GRAMD1C: variants seen among roughly 807,000 people sequenced by gnomAD.
The protein encoded by GRAMD1C is GRAM domain containing 1C.
GRAMD1C carries 89 observed loss-of-function variants against 97.8 expected under a neutral mutation model. That is an observed-to-expected ratio of 0.91 (90% CI 0.77 to 1.09). The LOEUF (loss-of-function observed/expected upper bound fraction) is 1.09, where lower values mean the gene tolerates loss of function less well. GRAMD1C is among the 50% of genes least tolerant of loss of function. GRAMD1C has a pLI of 0.00. For missense variants in GRAMD1C, 740 were observed against 766.4 expected (o/e 0.97, Z 0.41); for synonymous variants, 256 against 267.0 (o/e 0.96, Z 0.40).
chr3:113,937,325 T>C (rs1261255643), intron 14 of GRAMD1C, among the ~76,000 whole-genome samples: 1 of 152,226 alleles, frequency 6.6e-6, no homozygotes, highest in Non-Finnish European at 1.5e-5. Flanking sequence ...TTAAGATTAA[T>C]GGTTCTTTAA....
chr3:113,915,966 CAG>C, intron 10 of GRAMD1C, 128 bp downstream of exon 10: 1 of 724,450 alleles, frequency 1.4e-6, no homozygotes, highest in South Asian at 1.7e-5. Context: ...TTTATGTTGA[CAG>C]TATATAAACT....
chr3:113,873,214 C>T (rs1168856013), intron 3 of GRAMD1C, among the ~76,000 whole-genome samples: 1 of 151,746 alleles, frequency 6.6e-6, no homozygotes, highest in Non-Finnish European at 1.5e-5. Flanking sequence ...GAGTTGAGAT[C>T]GCACCATTGC....
chr3:113,923,975 G>A (rs1186479749), intron 10 of GRAMD1C, among the ~76,000 whole-genome samples: 5 of 151,818 alleles, frequency 3.3e-5, no homozygotes, highest in Non-Finnish European at 5.9e-5. Context: ...TTGTCTGTGC[G>A]GGGTTTTAAT....
At chr3:113,885,601 A>T in intron 6 of GRAMD1C, 2 of 1,529,198 alleles carry the variant, frequency 1.3e-6, no homozygotes, top group Non-Finnish European at 1.8e-6. Context: ...ATAGACAAAC[A>T]TTCTGTCCGG....
intron 2 of GRAMD1C, among the ~76,000 whole-genome samples, chr3:113,852,413 G>A (rs1439626654): frequency 6.6e-6 from 1 of 152,086 alleles, no homozygotes; most frequent in Non-Finnish European, 1.5e-5. Context: ...TTTAAGTATA[G>A]TTAGATACTG....
chr3:113,888,638 T>A lies in GRAMD1C; in HGVS notation c.540+5806T>A, dbSNP rs1935600865. On this transcript the variant is annotated intron_variant, in intron 6 of 17. Transcript: ENST00000358160. ...TACCTTAAATATGTACCATTCCTAT[T>A]TGTTAATTATACTTCAGTAAAGCTG... Among the ~76,000 whole-genome samples, 5 of 152,346 alleles carry A rather than the reference T, an allele frequency of 3.3e-5. No homozygotes were observed. In the South Asian group the frequency reaches 1.0e-3, roughly 32 times the overall value.
At chr3:113,854,437 T>C (rs1270035726) in intron 2 of GRAMD1C, among the ~76,000 whole-genome samples, 1 of 152,066 alleles carries the variant, frequency 6.6e-6, no homozygotes, top group African/African-American at 2.4e-5. Flanking sequence ...AAGAAAATCT[T>C]AAAAAGCGTG....
In GRAMD1C at chr3:113,937,637, C is replaced by T. The variant is rs575889014; in HGVS notation, c.1634-449C>T. Among the ~76,000 whole-genome samples the T allele has an allele frequency of 3.3e-5, 5 of 152,300 alleles. No homozygotes were observed. In the East Asian group the frequency reaches 9.6e-4, roughly 29 times the overall value. On this transcript the variant is annotated intron_variant, in intron 14 of 17. Coordinates refer to ENST00000358160, the MANE Select transcript of GRAMD1C (RefSeq NM_017577.5). ...TAAAAAAAGGGGTGCAGGGAATTTA[C>T]CCTAAATCACTTTGTCTTTACAAAT...
intron 3 of GRAMD1C, among the ~76,000 whole-genome samples, chr3:113,872,312 A>G (rs113642462): frequency 0.015 from 2,295 of 151,118 alleles, 45 homozygotes; most frequent in African/African-American, 0.053. Flanking sequence ...ACAGACTGTG[A>G]TTATTGTTTT....
intron 7 of GRAMD1C, among the ~76,000 whole-genome samples, chr3:113,903,232 C>CA (rs1320555720): frequency 6.6e-6 from 1 of 152,004 alleles, no homozygotes; most frequent in African/African-American, 2.4e-5. Flanking sequence ...CTCAGCCTCC[C>CA]AAAGTGTTGG....
At chr3:113,883,721 G>A (rs967984836) in intron 6 of GRAMD1C, among the ~76,000 whole-genome samples, 1 of 152,070 alleles carries the variant, frequency 6.6e-6, no homozygotes, top group African/African-American at 2.4e-5. Flanking sequence ...AAAATTATTA[G>A]AGACAAGGAA....
intron 11 of GRAMD1C, among the ~76,000 whole-genome samples, chr3:113,932,371 C>T (rs1213970125): frequency 6.6e-6 from 1 of 152,130 alleles, no homozygotes; most frequent in Non-Finnish European, 1.5e-5. Flanking sequence ...GCCCCCCCAA[C>T]CCCCTTACAG....
intron 7 of GRAMD1C, 86 bp from the exon 8 acceptor site, chr3:113,904,054 C>A: frequency 1.1e-6 from 1 of 925,158 alleles, no homozygotes; most frequent in Non-Finnish European, 1.7e-6. Context: ...ACTGTTTTAT[C>A]ATAGGAAATG....
In GRAMD1C at chr3:113,934,471, C is replaced by A; in HGVS notation, c.1392C>A (p.Gly464=). The stretch of plus-strand genomic sequence containing the variant: ...TGAAATACAGAAAACAGCCATGGGG[C>A]CTTGTCAAATCTTTAATTGAAAAGA... The part of the protein sequence containing the change: ...TDLKYRKQPW[G]LVKSLIEKNS... The change falls in exon 13 of 18, where the codon GGC becomes GGA. Residue 464 remains glycine, a synonymous_variant. Coordinates refer to ENST00000358160, the MANE Select transcript of GRAMD1C (RefSeq NM_017577.5). The A allele has an allele frequency of 1.9e-6, 3 of 1,582,058 alleles. No individual in the cohort carries two copies. In the South Asian group the frequency reaches 3.4e-5, roughly 18 times the overall value.
At chr3:113,909,192 T>C (rs1320428272) in intron 9 of GRAMD1C, 72 bp downstream of exon 9, 1 of 691,856 alleles carries the variant, frequency 1.4e-6, no homozygotes, top group Non-Finnish European at 2.2e-6. Context: ...AATAGGGGTG[T>C]GCAGATTGAG....
chr3:113,860,203 G>A (rs1934309472), intron 2 of GRAMD1C, among the ~76,000 whole-genome samples: 1 of 152,052 alleles, frequency 6.6e-6, no homozygotes, highest in African/African-American at 2.4e-5. Flanking sequence ...CGTATTTTTA[G>A]TAGAGACAGG....
At chr3:113,932,596 T>A (rs1577220371) in intron 11 of GRAMD1C, among the ~76,000 whole-genome samples, 1 of 152,238 alleles carries the variant, frequency 6.6e-6, no homozygotes, top group African/African-American at 2.4e-5. Flanking sequence ...CTTAAAACTC[T>A]ATAAACTTAT....
chr3:113,946,736 T>C lies in GRAMD1C; in HGVS notation c.*1258T>C, dbSNP rs1938105571. On this transcript the variant is annotated 3_prime_UTR_variant, in exon 18 of 18. Coordinates refer to ENST00000358160, the MANE Select transcript of GRAMD1C (RefSeq NM_017577.5). ...CAACTATTGCCTTTAATTAAATGTT[T>C]CATTTTTCTCCAGAGTCCCCAAAGC... 6.6e-6 allele frequency: 1 copy of C among 152,266 alleles called. No homozygotes were observed. The highest frequency in any genetic ancestry group is 1.5e-5 in the Non-Finnish European group (1 of 68,050). The allele number at this position is 152,266 out of a possible 1,614,324, so 9.4% of individuals were successfully genotyped here. A position where few individuals can be genotyped will look rare whatever the true frequency, so the allele number is the denominator to read the frequency against.
intron 2 of GRAMD1C, among the ~76,000 whole-genome samples, chr3:113,855,879 A>G (rs777233574): frequency 6.6e-6 from 1 of 151,928 alleles, no homozygotes; most frequent in Non-Finnish European, 1.5e-5. Flanking sequence ...CCTCTTATAT[A>G]GAATTAACAC....
Sources: allele counts gnomAD v4.1 joint callset (sites outside exome capture counted in the v4.1 genomes callset), GRCh38; gene constraint gnomAD v4.1.1; transcripts MANE v1.5; gene names NCBI Gene and HGNC (gene_info 2026-07-23, HGNC 2026-07-21).